The following EYS variants were observed in gnomAD, a reference collection of about 807,000 sequenced individuals.
The protein encoded by EYS is protein eyes shut homolog.
EYS carries 250 observed loss-of-function variants against 282.1 expected under a neutral mutation model. That is an observed-to-expected ratio of 0.89 (90% confidence interval 0.80 to 0.98). EYS has a LOEUF of 0.98. EYS is among the 50% of genes least tolerant of loss of function. The pLI, the probability that EYS is intolerant of heterozygous loss-of-function variation, is 0.00. For synonymous variants in EYS, 1,355 were observed against 1,282.9 expected (o/e 1.06, Z -1.20); for missense variants, 4,016 against 3,709.0 (o/e 1.08, Z -2.15).
intron 12 of EYS, among the ~76,000 whole-genome samples, chr6:65,144,671 G>A (rs73766210): frequency 0.019 from 2,860 of 151,912 alleles, 74 homozygotes; most frequent in African/African-American, 0.065. Flanking sequence ...AACAGTATAT[G>A]TTCCATATTA....
intron 13 of EYS, among the ~76,000 whole-genome samples, chr6:65,046,878 C>T (rs1773118607): frequency 6.6e-6 from 1 of 151,742 alleles, no homozygotes; most frequent in Admixed American, 6.6e-5. Flanking sequence ...TTTCGTCACC[C>T]CTTTGTGATA....
At chr6:64,363,931 C>T (rs568500701) in intron 29 of EYS, among the ~76,000 whole-genome samples, 3 of 151,968 alleles carry the variant, frequency 2.0e-5, no homozygotes, top group African/African-American at 7.2e-5. Context: ...TATATTTATA[C>T]ATTCTTTCCT....
chr6:64,441,205 A>C (rs1774933255), intron 26 of EYS, among the ~76,000 whole-genome samples: 1 of 152,206 alleles, frequency 6.6e-6, no homozygotes, highest in East Asian at 1.9e-4. Flanking sequence ...GGGAAAAATT[A>C]ATCATATTCA....
intron 35 of EYS, among the ~76,000 whole-genome samples, chr6:63,937,153 G>T (rs929274535): frequency 1.4e-4 from 21 of 152,014 alleles, no homozygotes; most frequent in African/African-American, 5.1e-4. Flanking sequence ...ATTGTAGGAT[G>T]CAAATGGGAA....
intron 30 of EYS, among the ~76,000 whole-genome samples, chr6:64,284,128 C>T (rs963419090): frequency 2.0e-5 from 3 of 152,156 alleles, no homozygotes; most frequent in African/African-American, 7.2e-5. Flanking sequence ...AGTCCACAGT[C>T]GAAAGTCTCA....
chr6:65,273,066 A>T (rs539650373), intron 12 of EYS, among the ~76,000 whole-genome samples: 2 of 152,324 alleles, frequency 1.3e-5, no homozygotes, highest in South Asian at 4.1e-4. Context: ...ATAATATGTG[A>T]TACACTGGAT....
intron 12 of EYS, among the ~76,000 whole-genome samples, chr6:65,187,122 T>G (rs1273859196): frequency 1.3e-5 from 2 of 151,776 alleles, no homozygotes; most frequent in South Asian, 4.1e-4. Flanking sequence ...TTAAACACAT[T>G]CTTTATAGTT....
intron 31 of EYS, among the ~76,000 whole-genome samples, chr6:64,180,529 T>G (rs950941870): frequency 1.3e-5 from 2 of 152,038 alleles, no homozygotes; most frequent in Admixed American, 1.3e-4. Context: ...AACACCTCAG[T>G]AGTGAGCATA....
At chr6:65,067,851 A>G (rs192186637) in intron 12 of EYS, among the ~76,000 whole-genome samples, 2 of 152,218 alleles carry the variant, frequency 1.3e-5, no homozygotes, top group Admixed American at 6.5e-5. Context: ...TTTACATGTT[A>G]TATAATGAGC....
chr6:64,617,412 C>CTAA lies in EYS; in HGVS notation c.3684+5_3684+6insTTA, dbSNP rs2149849435. On this transcript the variant is annotated splice_donor_region_variant and intron_variant, in intron 24 of 42. Transcript: ENST00000503581. ...TATTACAACCACAACCACCAGTAAT[C>CTAA]TTTACCATAAATCCAGGTGTGCATA... 1.3e-6 allele frequency: 2 copies of CTAA among 1,518,606 alleles called. No homozygotes were observed. Among genetic ancestry groups the CTAA allele is most frequent in the East Asian group, 4.9e-5 (2 of 40,732 alleles). The allele number at this position is 1,518,606 out of a possible 1,614,324, so 94.1% of individuals were successfully genotyped here.
At chr6:63,808,648 T>C (rs1770965484) in intron 36 of EYS, among the ~76,000 whole-genome samples, 1 of 152,222 alleles carries the variant, frequency 6.6e-6, no homozygotes, top group Admixed American at 6.5e-5. Context: ...AATTTCATGA[T>C]ATAATTTTTA....
chr6:64,183,333 G>T (rs954209497), intron 31 of EYS, among the ~76,000 whole-genome samples: 6 of 152,140 alleles, frequency 3.9e-5, no homozygotes, highest in African/African-American at 1.4e-4. Context: ...CCTCCAGCTA[G>T]ATTAGTGCCC....
chr6:65,411,624 C>G (rs1466393307), intron 5 of EYS, among the ~76,000 whole-genome samples: 1 of 151,808 alleles, frequency 6.6e-6, no homozygotes, highest in Non-Finnish European at 1.5e-5. Flanking sequence ...ATAATCTTAC[C>G]CACTTCTCTG....
In EYS at chr6:64,134,033, G is replaced by C. The variant is rs62415308; in HGVS notation, c.6425-52031C>G. On this transcript the variant is annotated intron_variant, in intron 31 of 42. Transcript: ENST00000503581. Reference sequence around the variant, plus strand: ...TTAGATAAAAAGCTCCTAAGGAAGTGTGTGCTGTGGATGTCAGTTATAGCA... The same window carrying C: ...TTAGATAAAAAGCTCCTAAGGAAGTCTGTGCTGTGGATGTCAGTTATAGCA... Among the ~76,000 whole-genome samples, 283 of 152,138 alleles carry C rather than the reference G, an allele frequency of 1.9e-3. 1 individual carries two copies. Among genetic ancestry groups the C allele is most frequent in the Middle Eastern group, 6.8e-3 (2 of 294 alleles).
chr6:64,656,833 A>G (rs1293074750), intron 22 of EYS, among the ~76,000 whole-genome samples: 1 of 152,198 alleles, frequency 6.6e-6, no homozygotes, highest in Non-Finnish European at 1.5e-5. Context: ...ATAAATAAAT[A>G]CACAGTTTGC....
At chr6:64,945,124 TAAAAAAA>T (rs763133866) in intron 15 of EYS, among the ~76,000 whole-genome samples, 1 of 112,296 alleles carries the variant, frequency 8.9e-6, no homozygotes, top group African/African-American at 3.3e-5. Flanking sequence ...GTTTCTCTAT[TAAAAAAA>T]AAAAAAAAAA....
chr6:64,933,348 G>T (rs536617446), intron 15 of EYS, among the ~76,000 whole-genome samples: 1 of 152,158 alleles, frequency 6.6e-6, no homozygotes, highest in African/African-American at 2.4e-5. Flanking sequence ...CTTCTCAAAA[G>T]GAGACATTTA....
chr6:65,590,224 A>G (rs1239307015), intron 2 of EYS, among the ~76,000 whole-genome samples: 1 of 152,092 alleles, frequency 6.6e-6, no homozygotes, highest in Non-Finnish European at 1.5e-5. Context: ...TCTTTCTTCC[A>G]CTACCACAGT....
intron 12 of EYS, among the ~76,000 whole-genome samples, chr6:65,219,611 T>A (rs1766408453): frequency 6.6e-6 from 1 of 152,180 alleles, no homozygotes; most frequent in South Asian, 2.1e-4. Context: ...TTTGTTTACA[T>A]CTGTTTCTGA....
Sources: allele counts gnomAD v4.1 joint callset (sites outside exome capture counted in the v4.1 genomes callset), GRCh38; gene constraint gnomAD v4.1.1; transcripts MANE v1.5; gene names NCBI Gene and HGNC (gene_info 2026-07-23, HGNC 2026-07-21).